HERC2: variants seen among roughly 807,000 people sequenced by gnomAD.
HERC2 encodes the protein E3 ubiquitin-protein ligase HERC2.
Under a neutral mutation model 537.7 loss-of-function variants are expected in HERC2, and 102 were observed. The ratio of observed to expected loss-of-function variants is 0.19; its 90% CI spans 0.16 to 0.22. The LOEUF is 0.22. Among genes scored for constraint, HERC2 ranks in the 10% least tolerant of loss-of-function variants. HERC2 has a pLI of 1.00. For missense variants in HERC2, 4,236 were observed against 6,198.2 expected (o/e 0.68, Z 10.63); for synonymous variants, 2,224 against 2,466.2 (o/e 0.90, Z 2.91).
At position 28,115,467 on chromosome 15, in the gene HERC2, G is replaced by A; in HGVS notation, c.13684C>T (p.Leu4562=). The part of the protein sequence containing the change: ...LNLAEPVWKQ[L]AGMSLTIADL... ...GCGATGGTGAGGCTCATCCCAGCCA[G>A]CTGCTTCCAGACAGGCTCGGCAAGG... Residue 4562 remains leucine, a synonymous_variant, in exon 89 of 93, where the codon CTG becomes TTG. Coordinates refer to ENST00000261609, the MANE Select transcript of HERC2 (RefSeq NM_004667.6). The A allele has an allele frequency of 6.2e-7, 1 of 1,614,032 alleles. No individual in the cohort carries two copies. Among genetic ancestry groups the A allele is most frequent in the South Asian group, 1.1e-5 (1 of 91,070 alleles).
chr15:28,260,350 A>T (rs562282072), intron 16 of HERC2, among the ~76,000 whole-genome samples: 3 of 152,326 alleles, frequency 2.0e-5, no homozygotes, highest in South Asian at 4.1e-4. Flanking sequence ...AAAACGGGGA[A>T]TTAAAGACAC....
chr15:28,119,756 TA>T (rs1219936574), intron 86 of HERC2, among the ~76,000 whole-genome samples: 2 of 152,176 alleles, frequency 1.3e-5, no homozygotes, highest in African/African-American at 4.8e-5. Flanking sequence ...CAACGACTAA[TA>T]TAAATTTGTT....
At chr15:28,321,895 A>T (rs1298100947) in intron 1 of HERC2, among the ~76,000 whole-genome samples, 180 bp downstream of exon 1, 1 of 144,714 alleles carries the variant, frequency 6.9e-6, no homozygotes, top group Admixed American at 6.7e-5. Context: ...TCGCCTGCAG[A>T]AAAACCCACA....
Position 28,179,025 on chromosome 15 carries a change from C to T in HERC2, c.9025G>A (p.Val3009Met), listed in dbSNP as rs1895565655. ...GGSKSLFAVT[V>M]EGKVYACGEA... ...CCACAGGCATACACCTTCCCTTCCA[C>T]AGTCACTGCAAGGAACGACAGCCAG... The change falls in exon 59 of 93, where the codon GTG becomes ATG. Residue 3009 changes from valine (V) to methionine (M), a missense_variant. Val to Met is a conservative substitution (Grantham distance 21, BLOSUM62 1). Around this residue, in one of 27 missense-constraint regions of HERC2, gnomAD observed 606 missense variants for 884.5 expected, o/e 0.69. Coordinates refer to ENST00000261609, the MANE Select transcript of HERC2 (RefSeq NM_004667.6). 2 of 1,613,686 alleles carry T rather than the reference C, an allele frequency of 1.2e-6. No individual in the cohort carries two copies. The highest frequency in any genetic ancestry group is 1.7e-6 in the Non-Finnish European group (2 of 1,179,704).
chr15:28,240,976 C>T (rs1036978626), intron 23 of HERC2, among the ~76,000 whole-genome samples: 2 of 152,184 alleles, frequency 1.3e-5, no homozygotes, highest in Non-Finnish European at 2.9e-5. Flanking sequence ...CTTCATGACA[C>T]TGAATTTGGT....
chr15:28,248,690 G>C lies in HERC2; in HGVS notation c.3097C>G (p.Arg1033Gly). Reference sequence around the variant, plus strand: ...TCAAAGTCCAGACATGATGAAATCCGACGGGCAACATCTTTCAATCTGGCT... The same window carrying C: ...TCAAAGTCCAGACATGATGAAATCCCACGGGCAACATCTTTCAATCTGGCT... ...TVARLKDVARRISSCLDFEQH... is the reference protein window; with the variant it reads ...TVARLKDVARGISSCLDFEQH... The change falls in exon 21 of 93, where the codon CGG (arginine) becomes GGG (glycine). Residue 1033 changes from arginine (R) to glycine (G), a missense_variant. Physicochemically the swap from Arg to Gly is moderately radical, Grantham distance 125. Around this residue, in one of 27 missense-constraint regions of HERC2, gnomAD observed 754 missense variants for 1,085.0 expected, o/e 0.69. Transcript: ENST00000261609. The C allele has an allele frequency of 1.2e-6, 2 of 1,614,074 alleles. No individual in the cohort carries two copies. The highest frequency in any genetic ancestry group is 1.7e-6 in the Non-Finnish European group (2 of 1,179,930).
intron 37 of HERC2, among the ~76,000 whole-genome samples, chr15:28,219,875 C>A (rs1327018989): frequency 2.0e-5 from 3 of 152,158 alleles, no homozygotes; most frequent in Admixed American, 2.0e-4. Flanking sequence ...AACCTCCTCC[C>A]GCAACCTGGA....
At chr15:28,294,073 C>T (rs1453589124) in intron 3 of HERC2, among the ~76,000 whole-genome samples, 1 of 152,180 alleles carries the variant, frequency 6.6e-6, no homozygotes, top group African/African-American at 2.4e-5. Flanking sequence ...TCGAAGGAAA[C>T]AGTTCCTCTG....
chr15:28,257,021 C>T, intron 17 of HERC2, 40 bp downstream of exon 17: 2 of 1,536,364 alleles, frequency 1.3e-6, no homozygotes, highest in African/African-American at 1.4e-5. Flanking sequence ...ATCCCTAAGA[C>T]ACTTACAAAA....
At chr15:28,119,202 C>T (rs574968299) in intron 86 of HERC2, among the ~76,000 whole-genome samples, 12 of 152,092 alleles carry the variant, frequency 7.9e-5, no homozygotes, top group African/African-American at 2.9e-4. Flanking sequence ...TTGGGACCAG[C>T]CTGGCCAACA....
Position 28,142,313 on chromosome 15 carries a change from C to T in HERC2, c.11625G>A (p.Arg3875=), listed in dbSNP as rs148963117. The change falls in exon 76 of 93, where the codon CGG becomes CGA. Residue 3875 remains arginine, a synonymous_variant. Transcript: ENST00000261609. ...CAACACGGGAGGCCATGCAGTACCTCCGGAACCAGGCCCACTTGTGCGTCT... is the reference window on the plus strand; with the variant it reads ...CAACACGGGAGGCCATGCAGTACCTTCGGAACCAGGCCCACTTGTGCGTCT... ...CAETHKWAWF[R]RYCMASRVAV... 1.7e-5 allele frequency: 27 copies of T among 1,614,226 alleles called. No individual in the cohort carries two copies. In the African/African-American group the frequency reaches 3.2e-4, roughly 19 times the overall value.
intron 44 of HERC2, among the ~76,000 whole-genome samples, chr15:28,209,485 A>T (rs1013427991): frequency 1.5e-4 from 23 of 152,204 alleles, no homozygotes; most frequent in East Asian, 3.9e-4. Context: ...CTGGGACTAC[A>T]GGCACCTGCC....
intron 65 of HERC2, among the ~76,000 whole-genome samples, chr15:28,170,254 G>A (rs1314869877): frequency 6.6e-6 from 1 of 152,200 alleles, no homozygotes; most frequent in Non-Finnish European, 1.5e-5. Flanking sequence ...AGAAAAATAA[G>A]GAGGAGGAAT....
chr15:28,164,985 GGGTTC>G (rs899094040), intron 68 of HERC2, among the ~76,000 whole-genome samples: 70 of 152,322 alleles, frequency 4.6e-4, no homozygotes, highest in African/African-American at 1.6e-3. Flanking sequence ...AATAAATCAA[GGGTTC>G]CAAATGTAAT....
chr15:28,240,590 A>C (rs181065084), intron 23 of HERC2, among the ~76,000 whole-genome samples: 2 of 152,354 alleles, frequency 1.3e-5, no homozygotes, highest in Admixed American at 6.5e-5. Flanking sequence ...TTACAAAAAC[A>C]TCACAGTGCT....
chr15:28,239,521 C>A (rs1358947311), intron 23 of HERC2, among the ~76,000 whole-genome samples: 3 of 146,518 alleles, frequency 2.0e-5, no homozygotes, highest in Admixed American at 6.9e-5. Context: ...CAGCAGAGGG[C>A]AAGGTTGGTA....
At chr15:28,259,970 A>C (rs1244625660) in intron 16 of HERC2, among the ~76,000 whole-genome samples, 2 of 71,052 alleles carry the variant, frequency 2.8e-5, no homozygotes, top group African/African-American at 1.3e-4. Flanking sequence ...TCCATCTGGC[A>C]AAAAAAAAAA....
chr15:28,165,996 C>T (rs557324063), intron 68 of HERC2, among the ~76,000 whole-genome samples: 1 of 152,248 alleles, frequency 6.6e-6, no homozygotes, highest in South Asian at 2.1e-4. Context: ...CATAAAACAT[C>T]TTATTGAGCC....
chr15:28,246,655 G>T, intron 22 of HERC2, 87 bp downstream of exon 22: 2 of 1,152,062 alleles, frequency 1.7e-6, no homozygotes, highest in Non-Finnish European at 2.4e-6. Flanking sequence ...GAGAGTAAAT[G>T]CAGGCATGCT....
Sources: allele counts gnomAD v4.1 joint callset (sites outside exome capture counted in the v4.1 genomes callset), GRCh38; gene constraint gnomAD v4.1.1; regional missense constraint gnomAD v4.1.1; transcripts MANE v1.5; gene names NCBI Gene and HGNC (gene_info 2026-07-23, HGNC 2026-07-21).